Variants in TPTE2 observed in about 807,000 individuals in gnomAD.
TPTE2 encodes the protein phosphatidylinositol 3,4,5-trisphosphate 3-phosphatase TPTE2.
A neutral mutation model predicts 78.6 loss-of-function variants in TPTE2; 53 were observed. The ratio of observed to expected loss-of-function variants is 0.67; its 90% CI spans 0.54 to 0.85. The LOEUF (loss-of-function observed/expected upper bound fraction) is 0.85, where lower values mean the gene tolerates loss of function less well. Among genes scored for constraint, TPTE2 ranks in the 40% least tolerant of loss-of-function variants. TPTE2 has a pLI of 0.00. For missense variants in TPTE2, 461 were observed against 623.0 expected (o/e 0.74, Z 2.77); for synonymous variants, 175 against 206.2 (o/e 0.85, Z 1.30).
At chr13:19,462,144 A>C (rs1167002923) in intron 10 of TPTE2, among the ~76,000 whole-genome samples, 2 of 151,856 alleles carry the variant, frequency 1.3e-5, no homozygotes, top group East Asian at 3.9e-4. Context: ...CTGTAGCAAC[A>C]AAGTTTGATT....
chr13:19,425,874 G>A (rs6491272), intron 18 of TPTE2: 8,725 of 517,462 alleles, frequency 0.017, 620 homozygotes, highest in African/African-American at 0.15. Flanking sequence ...TTCGTGTGTT[G>A]TATTGTGCTG....
At chr13:19,497,808 T>C (rs1480085484) in intron 1 of TPTE2, among the ~76,000 whole-genome samples, 1 of 151,126 alleles carries the variant, frequency 6.6e-6, no homozygotes, top group Non-Finnish European at 1.5e-5. Flanking sequence ...GAGAATGACT[T>C]TGACAAGCTG....
the TPTE2 span, among the ~76,000 whole-genome samples, chr13:19,543,207 A>C: frequency 6.6e-6 from 1 of 151,830 alleles, no homozygotes; most frequent in African/African-American, 2.4e-5. Context: ...GTGTGCCACC[A>C]CACCAGGCTA....
At chr13:19,516,722 G>C (rs1869816501) in intron 1 of TPTE2, among the ~76,000 whole-genome samples, 1 of 152,156 alleles carries the variant, frequency 6.6e-6, no homozygotes, top group Non-Finnish European at 1.5e-5. Context: ...TCCTTGAACA[G>C]AGCATTCACC....
chr13:19,537,353 C>G (rs904103240), upstream of TPTE2, among the ~76,000 whole-genome samples: 5 of 151,594 alleles, frequency 3.3e-5, no homozygotes, highest in African/African-American at 4.8e-5. Context: ...CCTGCCTCAG[C>G]CTCCCAAGTA....
At chr13:19,437,592 T>C (rs1369888704) in intron 14 of TPTE2, among the ~76,000 whole-genome samples, 1 of 152,134 alleles carries the variant, frequency 6.6e-6, no homozygotes, top group Non-Finnish European at 1.5e-5. Flanking sequence ...CTTGATACTA[T>C]TCTCACGAGG....
intron 17 of TPTE2, among the ~76,000 whole-genome samples, chr13:19,429,430 T>C (rs1339688364): frequency 6.6e-6 from 1 of 152,174 alleles, no homozygotes; most frequent in African/African-American, 2.4e-5. Flanking sequence ...GCTGGTGCCA[T>C]TTGCAGAGGC....
At chr13:19,477,910 A>C (rs1031384926) in intron 4 of TPTE2, among the ~76,000 whole-genome samples, 2 of 152,120 alleles carry the variant, frequency 1.3e-5, no homozygotes, top group African/African-American at 2.4e-5. Context: ...ACAGACAGAC[A>C]CTCCAACATG....
At chr13:19,485,841 T>A (rs1880633084) in intron 3 of TPTE2, among the ~76,000 whole-genome samples, 1 of 152,092 alleles carries the variant, frequency 6.6e-6, no homozygotes, top group South Asian at 2.1e-4. Flanking sequence ...ATTTCATCCA[T>A]TGAACTGTTT....
chr13:19,442,946 G>A (rs1032008528), intron 13 of TPTE2, among the ~76,000 whole-genome samples: 21 of 152,002 alleles, frequency 1.4e-4, no homozygotes, highest in African/African-American at 5.1e-4. Context: ...GCCTTCACTG[G>A]TGAATTTCAC....
chr13:19,438,992 T>C (rs1877306568), intron 13 of TPTE2, among the ~76,000 whole-genome samples: 1 of 152,094 alleles, frequency 6.6e-6, no homozygotes, highest in African/African-American at 2.4e-5. Flanking sequence ...TGGAGCTCAT[T>C]TGAGGAGAGA....
At chr13:19,484,284 T>C (rs148757538) in intron 3 of TPTE2, among the ~76,000 whole-genome samples, 3,754 of 152,320 alleles carry the variant, frequency 0.025, 65 homozygotes, top group Middle Eastern at 0.051. Context: ...GTTCCTCTTG[T>C]TATGAATGTC....
chr13:19,434,535 A>C (rs1876919093), intron 15 of TPTE2, among the ~76,000 whole-genome samples: 1 of 152,216 alleles, frequency 6.6e-6, no homozygotes, highest in African/African-American at 2.4e-5. Context: ...TTAGGGCTGC[A>C]CTTCAGTAAA....
At chr13:19,520,822 T>C (rs1488275386) in intron 1 of TPTE2, among the ~76,000 whole-genome samples, 1 of 152,024 alleles carries the variant, frequency 6.6e-6, no homozygotes, top group African/African-American at 2.4e-5. Flanking sequence ...CAAAATATGT[T>C]CTGATTTCTC....
chr13:19,472,172 G>A (rs7994416), intron 6 of TPTE2, among the ~76,000 whole-genome samples: 4 of 151,836 alleles, frequency 2.6e-5, no homozygotes, highest in South Asian at 4.2e-4. Flanking sequence ...ACATCTGCTC[G>A]GTGTTTTATA....
chr13:19,499,640 A>C (rs1881633518), intron 1 of TPTE2, among the ~76,000 whole-genome samples: 1 of 139,846 alleles, frequency 7.2e-6, no homozygotes, highest in Non-Finnish European at 1.5e-5. Context: ...TCTGGGACGC[A>C]TTCAAAGCAG....
intron 6 of TPTE2, among the ~76,000 whole-genome samples, chr13:19,468,649 T>C (rs920319614): frequency 1.1e-4 from 16 of 152,204 alleles, no homozygotes; most frequent in African/African-American, 3.9e-4. Flanking sequence ...ATGAGGGTTC[T>C]CTTATCTTCA....
chr13:19,451,670 G>A (rs1376286287), intron 10 of TPTE2, among the ~76,000 whole-genome samples: 2 of 152,038 alleles, frequency 1.3e-5, no homozygotes, highest in Non-Finnish European at 2.9e-5. Context: ...AATGCAAAAA[G>A]TATATAGCAT....
intron 13 of TPTE2, among the ~76,000 whole-genome samples, chr13:19,439,649 A>G (rs1465967007): frequency 6.6e-6 from 1 of 152,186 alleles, no homozygotes; most frequent in Non-Finnish European, 1.5e-5. Flanking sequence ...TAAACAATTC[A>G]AAGCTTGGGT....
Sources: allele counts gnomAD v4.1 joint callset (sites outside exome capture counted in the v4.1 genomes callset), GRCh38; gene constraint gnomAD v4.1.1; transcripts MANE v1.5; gene names NCBI Gene and HGNC (gene_info 2026-07-23, HGNC 2026-07-21).